GAB1: variants seen among roughly 807,000 people sequenced by gnomAD.
GAB1 encodes the protein GRB2-associated-binding protein 1.
In GAB1, 19 loss-of-function variants were observed where a neutral mutation model predicts 66.5. The observed-to-expected ratio is 0.29, with a 90% confidence interval of 0.20 to 0.42. The LOEUF (loss-of-function observed/expected upper bound fraction) is 0.42, where lower values mean the gene tolerates loss of function less well. Ranked by LOEUF, GAB1 falls within the 10% of genes least tolerant of loss-of-function variation. The probability of loss-of-function intolerance (pLI) is 1.00; values close to 1 mark genes in which losing one functional copy is unlikely to be tolerated. For synonymous variants in GAB1, 294 were observed against 301.4 expected (o/e 0.98, Z 0.25); for missense variants, 732 against 858.5 (o/e 0.85, Z 1.84).
intron 1 of GAB1, among the ~76,000 whole-genome samples, chr4:143,404,164 C>T (rs765293524): frequency 1.1e-4 from 16 of 152,134 alleles, no homozygotes; most frequent in Non-Finnish European, 1.8e-4. Context: ...AGTTCTAACC[C>T]AGAAATAATT....
chr4:143,394,855 G>A (rs1211132693), intron 1 of GAB1: 3 of 152,152 alleles, frequency 2.0e-5, no homozygotes, highest in Admixed American at 2.0e-4. Context: ...CTGGAGTGAT[G>A]AGTGTTCTAG....
At chr4:143,412,556 C>T (rs1043589587) in intron 1 of GAB1, among the ~76,000 whole-genome samples, 3 of 152,068 alleles carry the variant, frequency 2.0e-5, no homozygotes, top group Admixed American at 2.0e-4. Flanking sequence ...TGGGGAGTTA[C>T]GTACTACACA....
At chr4:143,421,307 T>G (rs1446398055) in intron 2 of GAB1, among the ~76,000 whole-genome samples, 1 of 152,128 alleles carries the variant, frequency 6.6e-6, no homozygotes, top group Non-Finnish European at 1.5e-5. Context: ...CTAGTGTTGA[T>G]TGATGTTTGG....
intron 1 of GAB1, among the ~76,000 whole-genome samples, chr4:143,383,387 A>G (rs28375333): frequency 0.031 from 4,646 of 152,300 alleles, 208 homozygotes; most frequent in African/African-American, 0.094. Flanking sequence ...ATAGAACCCA[A>G]TGAAAGGAGG....
chr4:143,340,111 T>G (rs1461182928), intron 1 of GAB1, among the ~76,000 whole-genome samples: 1 of 152,208 alleles, frequency 6.6e-6, no homozygotes, highest in African/African-American at 2.4e-5. Context: ...ATTATTGATC[T>G]TTTGGCTTTG....
chr4:143,413,291 ATATT>A (rs1261508877), intron 1 of GAB1, among the ~76,000 whole-genome samples: 1 of 152,122 alleles, frequency 6.6e-6, no homozygotes, highest in Non-Finnish European at 1.5e-5. Flanking sequence ...CTAAGAGATG[ATATT>A]TATTTATTTT....
intron 1 of GAB1, among the ~76,000 whole-genome samples, chr4:143,397,252 T>G (rs900917964): frequency 6.6e-6 from 1 of 152,156 alleles, no homozygotes; most frequent in African/African-American, 2.4e-5. Flanking sequence ...AAAAAATGAT[T>G]ACACATTGTG....
chr4:143,448,969 C>T (rs1247832268), intron 6 of GAB1, among the ~76,000 whole-genome samples: 1 of 152,070 alleles, frequency 6.6e-6, no homozygotes, highest in East Asian at 1.9e-4. Context: ...GAATGTGTCC[C>T]AGAGATTCTG....
intron 2 of GAB1, among the ~76,000 whole-genome samples, chr4:143,429,455 G>T (rs1733537837): frequency 6.6e-6 from 1 of 152,150 alleles, no homozygotes; most frequent in South Asian, 2.1e-4. Flanking sequence ...TCCACAAGGA[G>T]TCTCAGATAG....
intron 1 of GAB1, among the ~76,000 whole-genome samples, chr4:143,404,961 A>C (rs1215034172): frequency 6.6e-6 from 1 of 152,166 alleles, no homozygotes; most frequent in Non-Finnish European, 1.5e-5. Flanking sequence ...CTGCTCCAAA[A>C]CTGCAATTAG....
chr4:143,349,742 G>C (rs555868791), intron 1 of GAB1: 1 of 1,587,948 alleles, frequency 6.3e-7, no homozygotes, highest in African/African-American at 1.3e-5. Flanking sequence ...TTAACACCCA[G>C]ACCGACGTGG....
In GAB1 at chr4:143,349,648, C is replaced by A; in HGVS notation, c.72+12388C>A. On this transcript the variant is annotated intron_variant, in intron 1 of 9. Coordinates refer to ENST00000262994, the MANE Select transcript of GAB1 (RefSeq NM_002039.4). ...GTGGGGCTTGCCGATCTTGTTCCCC[C>A]AGTAGCCTCTGTGCACGGGGACAAT... 3 of 1,479,998 alleles carry A rather than the reference C, an allele frequency of 2.0e-6. No homozygotes were observed. The South Asian group carries it at 3.5e-5, about 17-fold the overall frequency. 91.7% of individuals were successfully genotyped at this position (1,479,998 alleles called of 1,614,324 possible).
rs1234382602 is a variant in GAB1, at chr4:143,469,076, G to C, written c.1972G>C (p.Asp658His). Residue 658 changes from aspartate (D) to histidine (H), a missense_variant, in exon 10 of 10, where the codon GAT (aspartate) becomes CAT (histidine). Asp to His is a moderately conservative substitution (Grantham distance 81). This residue lies in a region of GAB1 where 204 missense variants were observed against 276.8 expected (regional missense o/e 0.74). Transcript: ENST00000262994. ...CAGCAGTGTAGCAGATGAGAGAGTG[G>C]ATTATGTTGTTGTTGACCAACAGAA... is the stretch of plus-strand genomic sequence containing the variant. Reference protein sequence around the residue: ...SGSSVADERVDYVVVDQQKTL... With the variant: ...SGSSVADERVHYVVVDQQKTL... 2 of 1,614,092 alleles carry C rather than the reference G, an allele frequency of 1.2e-6. No individual in the cohort carries two copies. Among genetic ancestry groups the C allele is most frequent in the Non-Finnish European group, 8.5e-7 (1 of 1,179,964 alleles).
chr4:143,413,653 T>C (rs1732513016), intron 1 of GAB1, among the ~76,000 whole-genome samples: 1 of 152,114 alleles, frequency 6.6e-6, no homozygotes, highest in Non-Finnish European at 1.5e-5. Context: ...TAGTCTCAAG[T>C]ATTTTCATGT....
At chr4:143,443,188 T>C (rs962563423) in intron 6 of GAB1, among the ~76,000 whole-genome samples, 4 of 151,950 alleles carry the variant, frequency 2.6e-5, no homozygotes, top group African/African-American at 9.7e-5. Flanking sequence ...AGCTAATTTT[T>C]TGTATTTTTA....
intron 1 of GAB1, among the ~76,000 whole-genome samples, chr4:143,408,739 T>G (rs1732200536): frequency 6.6e-6 from 1 of 152,194 alleles, no homozygotes; most frequent in Admixed American, 6.5e-5. Context: ...AACCCCGACA[T>G]TTTACAGATT....
At chr4:143,366,902 A>C (rs1488752086) in intron 1 of GAB1, among the ~76,000 whole-genome samples, 2 of 152,028 alleles carry the variant, frequency 1.3e-5, no homozygotes, top group Non-Finnish European at 2.9e-5. Flanking sequence ...GTCTCTGTCC[A>C]CGTCTCATGT....
At chr4:143,357,607 T>G (rs1729501802) in intron 1 of GAB1, among the ~76,000 whole-genome samples, 1 of 152,280 alleles carries the variant, frequency 6.6e-6, no homozygotes, top group Admixed American at 6.5e-5. Context: ...GACAGTGTGA[T>G]GAGGTGGCAT....
chr4:143,346,092 ACT>A (rs1486484984), intron 1 of GAB1, among the ~76,000 whole-genome samples: 1 of 151,988 alleles, frequency 6.6e-6, no homozygotes, highest in Non-Finnish European at 1.5e-5. Context: ...ATAGTTCCCT[ACT>A]CTCTCTTTTC....
Sources: gnomAD v4.1 joint callset for allele counts (sites outside exome capture counted in the v4.1 genomes callset) on GRCh38, gnomAD v4.1.1 for gene constraint, gnomAD v4.1.1 regional missense constraint, MANE v1.5 for transcripts, NCBI Gene and HGNC (gene_info 2026-07-23, HGNC 2026-07-21) for gene names.